Variants in SDS observed in about 807,000 individuals in gnomAD.
SDS encodes L-serine dehydratase/L-threonine deaminase.
A neutral mutation model predicts 29.3 loss-of-function variants in SDS; 19 were observed. The ratio of observed to expected loss-of-function variants is 0.65; its 90% confidence interval spans 0.45 to 0.95. SDS has a LOEUF of 0.95. Among genes scored for constraint, SDS ranks in the 40% least tolerant of loss-of-function variants. The pLI, the probability that SDS is intolerant of heterozygous loss-of-function variation, is 0.00. For synonymous variants in SDS, 176 were observed against 189.0 expected (o/e 0.93, Z 0.56); for missense variants, 375 against 439.9 (o/e 0.85, Z 1.32).
intron 1 of SDS, among the ~76,000 whole-genome samples, chr12:113,402,083 G>A (rs1339449547): frequency 1.3e-5 from 2 of 152,200 alleles, no homozygotes; most frequent in South Asian, 2.1e-4. Context: ...CAACTGCCCC[G>A]CCAGACTTAG....
intron 6 of SDS, 115 bp from the exon 7 acceptor site, chr12:113,394,131 G>T (rs1957630470): frequency 1.0e-6 from 1 of 963,280 alleles, no homozygotes; most frequent in Non-Finnish European, 1.6e-6. Context: ...GCATCTGGGG[G>T]CAGGGGGACA....
At chr12:113,398,263 G>A (rs1410591629) in intron 5 of SDS, among the ~76,000 whole-genome samples, 1 of 152,052 alleles carries the variant, frequency 6.6e-6, no homozygotes, top group Non-Finnish European at 1.5e-5. Context: ...TAGAGATGGG[G>A]TTTCCCCATG....
At chr12:113,397,472 C>T (rs1957655028) in intron 5 of SDS, 80 bp from the exon 6 acceptor site, 7 of 1,185,304 alleles carry the variant, frequency 5.9e-6, no homozygotes, top group Non-Finnish European at 8.4e-6. Context: ...CGGCCTTATC[C>T]CAGCTGATGG....
chr12:113,394,380 C>T (rs1165973261), intron 6 of SDS, among the ~76,000 whole-genome samples: 2 of 147,510 alleles, frequency 1.4e-5, no homozygotes, highest in South Asian at 4.3e-4. Context: ...TGCTCTGTTG[C>T]CCAGGCTGGA....
rs199565117 is a variant in SDS at position 113,398,846 on chromosome 12, G to A, written c.194C>T (p.Ala65Val). The change falls in exon 4 of 8, where the codon GCG (alanine) becomes GTG (valine). Residue 65 changes from alanine to valine, a missense_variant and splice_region_variant. Transcript: ENST00000257549. ...TGCAGCCGCCATGCCTGCGTTGCCC[G>A]CTGCCAGGGTCGGGGGTGGAGAGCG... is the stretch of plus-strand genomic sequence containing the variant. Reference protein sequence around the residue: ...QGCAHFVCSSAGNAGMAAAYA... With the variant: ...QGCAHFVCSSVGNAGMAAAYA... 9.9e-5 allele frequency: 158 copies of A among 1,601,072 alleles called. No individual in the cohort carries two copies. The highest frequency in any genetic ancestry group is 1.3e-4 in the Non-Finnish European group (148 of 1,174,124).
chr12:113,398,432 A>T, intron 5 of SDS, 83 bp downstream of exon 5: 8 of 851,280 alleles, frequency 9.4e-6, no homozygotes, highest in Admixed American at 9.0e-5. Context: ...TGAGGACGTG[A>T]TGATGTGCAT....
In SDS at chr12:113,393,128, T is replaced by C; in HGVS notation, c.800A>G (p.Glu267Gly). 6.2e-7 allele frequency: 1 copy of C among 1,613,862 alleles called. No homozygotes were observed. Among genetic ancestry groups the C allele is most frequent in the Non-Finnish European group, 8.5e-7 (1 of 1,179,994 alleles). ...GGCCAGGGCTGCCCCGCAGGCGGGCTCCACCAGGATCTTCTCATCATCTGC... is the reference window on the plus strand; with the variant it reads ...GGCCAGGGCTGCCCCGCAGGCGGGCCCCACCAGGATCTTCTCATCATCTGC... The part of the protein sequence containing the change: ...KFVDDEKILV[E>G]PACGAALAAV... The change falls in exon 8 of 8, where the codon GAG becomes GGG. Residue 267 changes from glutamate (E) to glycine (G), a missense_variant. Coordinates refer to ENST00000257549, the MANE Select transcript of SDS (RefSeq NM_006843.3).
chr12:113,402,000 T>C lies in SDS; in HGVS notation c.-3+1768A>G, dbSNP rs562199538. Among the ~76,000 whole-genome samples, 203 of 152,194 alleles carry C rather than the reference T, an allele frequency of 1.3e-3. 1 individual carries two copies. Among genetic ancestry groups the C allele is most frequent in the African/African-American group, 4.8e-3 (198 of 41,536 alleles). On this transcript the variant is annotated intron_variant, in intron 1 of 7. Transcript: ENST00000257549. ...CCCCCTGTCCTGGGCACTCCTAGCT[T>C]GGACATCCATCCCCCGCTCCCAGAA...
At chr12:113,402,243 C>T (rs1382648448) in intron 1 of SDS, among the ~76,000 whole-genome samples, 2 of 152,176 alleles carry the variant, frequency 1.3e-5, no homozygotes, top group African/African-American at 4.8e-5. Flanking sequence ...ATCCCCAAAT[C>T]GGCATGAACT....
Position 113,397,399 on chromosome 12 carries a change from G to A in SDS, c.426-7C>T, listed in dbSNP as rs1957654504. ...GATGGAAGCGTGGCCTTCCCTGGAGGGTGGGGAGAGGGGGTGGCAGGTCAG... is the reference window on the plus strand; with the variant it reads ...GATGGAAGCGTGGCCTTCCCTGGAGAGTGGGGAGAGGGGGTGGCAGGTCAG... On this transcript the variant is annotated splice_region_variant and splice_polypyrimidine_tract_variant and intron_variant, in intron 5 of 7. Transcript: ENST00000257549. 6.3e-7 allele frequency: 1 copy of A among 1,595,934 alleles called. No individual in the cohort carries two copies. The highest frequency in any genetic ancestry group is 8.6e-7 in the Non-Finnish European group (1 of 1,167,298).
At chr12:113,397,716 C>A (rs1957656720) in intron 5 of SDS, among the ~76,000 whole-genome samples, 1 of 152,206 alleles carries the variant, frequency 6.6e-6, no homozygotes, top group South Asian at 2.1e-4. Flanking sequence ...CTCCCAGGGT[C>A]CCCGAGGGAT....
chr12:113,400,679 AT>A lies in SDS; in HGVS notation c.-2-970del, dbSNP rs200466994. On this transcript the variant is annotated intron_variant, in intron 1 of 7. Coordinates refer to ENST00000257549, the MANE Select transcript of SDS (RefSeq NM_006843.3). ...ATATTTTTTTAATTTTTTTATTTGA[AT>A]TTTTTTTTGTTTTGTTCCACATGTT... 3.8e-3 allele frequency among the ~76,000 whole-genome samples: 579 copies of A among 151,076 alleles called. 4 individuals are homozygous for A. The highest frequency in any genetic ancestry group is 0.013 in the African/African-American group (545 of 41,142).
chr12:113,399,753 C>T, intron 1 of SDS, 43 bp from the exon 2 acceptor site: 1 of 1,470,002 alleles, frequency 6.8e-7, no homozygotes, highest in Middle Eastern at 2.5e-4. Flanking sequence ...GAGAGCTAGC[C>T]CCGGTGCCAG....
intron 6 of SDS, 81 bp from the exon 7 acceptor site, chr12:113,394,097 T>C (rs1248724714): frequency 1.5e-6 from 2 of 1,364,872 alleles, no homozygotes; most frequent in Non-Finnish European, 2.1e-6. Flanking sequence ...GAGAAGGAGA[T>C]GGATGTGAGA....
chr12:113,393,418 C>G (rs139304972), intron 7 of SDS, among the ~76,000 whole-genome samples: 1 of 152,252 alleles, frequency 6.6e-6, no homozygotes, highest in East Asian at 1.9e-4. Context: ...GAGGCATCAT[C>G]TGAGCAAGAG....
rs992604394 is a variant in SDS at position 113,393,672 on chromosome 12, G to T, written c.778+220C>A. On this transcript the variant is annotated intron_variant, in intron 7 of 7. Transcript: ENST00000257549. The stretch of plus-strand genomic sequence containing the variant: ...TTGTTTTCTGCTGCTATGGTTATCA[G>T]GCTTACTTTTCTATTTACTTTTCCA... Among the ~76,000 whole-genome samples, 5 of 152,276 alleles carry T rather than the reference G, an allele frequency of 3.3e-5. No individual in the cohort carries two copies. In the East Asian group the frequency reaches 7.7e-4, roughly 23 times the overall value.
intron 6 of SDS, among the ~76,000 whole-genome samples, chr12:113,395,720 A>G (rs1222366654): frequency 6.6e-6 from 1 of 152,192 alleles, no homozygotes; most frequent in African/African-American, 2.4e-5. Context: ...AACTCAAGGG[A>G]CCTGGCGCCC....
chr12:113,398,367 C>T (rs1316623383), intron 5 of SDS, 148 bp downstream of exon 5: 5 of 581,388 alleles, frequency 8.6e-6, no homozygotes, highest in Non-Finnish European at 1.2e-5. Context: ...CACTGTGCCC[C>T]GCCTAAGTGT....
chr12:113,393,197 T>C, intron 7 of SDS, 48 bp from the exon 8 acceptor site: 1 of 1,571,258 alleles, frequency 6.4e-7, no homozygotes, highest in Non-Finnish European at 8.7e-7. Flanking sequence ...TTTCCCAGGG[T>C]GCACAGGAGC....
Sources: allele counts gnomAD v4.1 joint callset (sites outside exome capture counted in the v4.1 genomes callset), GRCh38; gene constraint gnomAD v4.1.1; transcripts MANE v1.5; gene names NCBI Gene and HGNC (gene_info 2026-07-23, HGNC 2026-07-21).